The following PTPRG variants were observed in gnomAD, a reference collection of about 807,000 sequenced individuals.
PTPRG encodes receptor-type tyrosine-protein phosphatase gamma.
A neutral mutation model predicts 165.3 loss-of-function variants in PTPRG; 102 were observed. That is an observed-to-expected ratio of 0.62 (90% CI 0.53 to 0.73). PTPRG has a LOEUF of 0.73. Among genes scored for constraint, PTPRG ranks in the 30% least tolerant of loss-of-function variants. The pLI is 0.00. For missense variants in PTPRG, 1,866 were observed against 1,861.4 expected (o/e 1.00, Z -0.05); for synonymous variants, 675 against 669.5 (o/e 1.01, Z -0.13).
chr3:61,576,961 C>T (rs566257579), intron 1 of PTPRG, among the ~76,000 whole-genome samples: 2 of 152,100 alleles, frequency 1.3e-5, no homozygotes, highest in South Asian at 2.1e-4. Context: ...GTTTATATTC[C>T]GAAGTGACAC....
At chr3:62,030,313 G>A (rs912033875) in intron 4 of PTPRG, among the ~76,000 whole-genome samples, 2 of 151,532 alleles carry the variant, frequency 1.3e-5, no homozygotes, top group Non-Finnish European at 2.9e-5. Context: ...GATATTTATC[G>A]AGCTTCCTAA....
At chr3:62,040,129 T>C (rs1700078045) in intron 4 of PTPRG, among the ~76,000 whole-genome samples, 1 of 152,216 alleles carries the variant, frequency 6.6e-6, no homozygotes, top group East Asian at 1.9e-4. Flanking sequence ...AGCATGAGCG[T>C]TGCCTCTAAA....
intron 4 of PTPRG, among the ~76,000 whole-genome samples, chr3:62,032,133 A>G (rs1006167366): frequency 1.3e-5 from 2 of 152,212 alleles, no homozygotes; most frequent in African/African-American, 4.8e-5. Context: ...TTCAATAGAC[A>G]TCTTGGGGAA....
chr3:61,716,509 A>C (rs1308541891), intron 1 of PTPRG, among the ~76,000 whole-genome samples: 2 of 152,212 alleles, frequency 1.3e-5, no homozygotes, highest in African/African-American at 4.8e-5. Flanking sequence ...TTTTATAAAG[A>C]AAGTGGTATA....
chr3:62,293,303 T>C lies in PTPRG; in HGVS notation c.4334T>C (p.Val1445Ala). Residue 1445 changes from valine (V) to alanine (A), a missense_variant, in exon 30 of 30, where the codon GTG becomes GCG. Around this residue, in one of 3 missense-constraint regions of PTPRG, gnomAD observed 1,452 missense variants for 1,463.0 expected, o/e 0.99. Transcript: ENST00000474889. ...CCTGCTGAGAGCATGGAGTCCCTAG[T>C]GTGACTGGAATCCTGAAAGGGCACT... ...SDPAESMESL[V>A] 6.4e-7 allele frequency: 1 copy of C among 1,567,246 alleles called. No individual in the cohort carries two copies. Among genetic ancestry groups the C allele is most frequent in the Non-Finnish European group, 8.6e-7 (1 of 1,163,646 alleles).
intron 4 of PTPRG, among the ~76,000 whole-genome samples, chr3:62,059,088 G>A (rs1700722825): frequency 1.3e-5 from 2 of 152,284 alleles, no homozygotes; most frequent in South Asian, 4.1e-4. Context: ...ATCCCTAACT[G>A]TTCACCAGCT....
Position 61,982,685 on chromosome 3 carries a change from C to G in PTPRG, c.191-6940C>G, listed in dbSNP as rs143802052. ...TGCCATCTTTACTCTTTTTAATACC[C>G]TCCTTTTCCAGAACAGTAAAACAGG... On this transcript the variant is annotated intron_variant, in intron 2 of 29. Coordinates refer to ENST00000474889, the MANE Select transcript of PTPRG (RefSeq NM_002841.4). Among the ~76,000 whole-genome samples the G allele has an allele frequency of 7.7e-3, 1,172 of 152,226 alleles. 6 individuals carry two copies. Among genetic ancestry groups the G allele is most frequent in the African/African-American group, 0.027 (1,112 of 41,544 alleles).
intron 5 of PTPRG, among the ~76,000 whole-genome samples, chr3:62,102,563 G>T (rs1702329132): frequency 6.6e-6 from 1 of 152,144 alleles, no homozygotes; most frequent in South Asian, 2.1e-4. Flanking sequence ...GAGCCACCAC[G>T]CCCGGCCTGG....
chr3:61,671,072 G>A (rs570142147), intron 1 of PTPRG, among the ~76,000 whole-genome samples: 14 of 151,758 alleles, frequency 9.2e-5, no homozygotes, highest in Middle Eastern at 3.4e-3. Flanking sequence ...AAAAATCTTC[G>A]GCATCTCTCG....
chr3:62,227,483 G>A lies in PTPRG; in HGVS notation c.2289-3742G>A, dbSNP rs150972230. Reference sequence around the variant, plus strand: ...ATTTAATCCTCCAGCAGCCATGTGTGGTAGGCAAGGAATCAGGGACTGCAT... The same window carrying A: ...ATTTAATCCTCCAGCAGCCATGTGTAGTAGGCAAGGAATCAGGGACTGCAT... On this transcript the variant is annotated intron_variant, in intron 13 of 29. Transcript: ENST00000474889. Among the ~76,000 whole-genome samples, 349 of 152,340 alleles carry A rather than the reference G, an allele frequency of 2.3e-3. 1 individual carries two copies. The highest frequency in any genetic ancestry group is 8.1e-3 in the African/African-American group (338 of 41,576).
intron 4 of PTPRG, among the ~76,000 whole-genome samples, chr3:62,063,743 T>A (rs1013424310): frequency 6.6e-6 from 1 of 152,194 alleles, no homozygotes; most frequent in African/African-American, 2.4e-5. Context: ...CTTCGAGCAA[T>A]CCTCCTGCCT....
chr3:62,160,611 A>C (rs370491211), intron 7 of PTPRG, among the ~76,000 whole-genome samples: 3 of 152,388 alleles, frequency 2.0e-5, no homozygotes. Context: ...GTCATAGAAG[A>C]TGATTAGCTT....
chr3:62,244,402 C>CTGTGCACACTG (rs1448935328), intron 15 of PTPRG, among the ~76,000 whole-genome samples: 1 of 152,132 alleles, frequency 6.6e-6, no homozygotes, highest in African/African-American at 2.4e-5. Flanking sequence ...GTAGTGAATC[C>CTGTGCACACTG]TAGCAAATGC....
intron 1 of PTPRG, among the ~76,000 whole-genome samples, chr3:61,704,686 G>A (rs1042343214): frequency 4.0e-5 from 6 of 150,678 alleles, no homozygotes; most frequent in Admixed American, 1.3e-4. Context: ...AAACTCCTCT[G>A]AGAAAGCCAT....
At chr3:62,041,108 T>G (rs1157153949) in intron 4 of PTPRG, among the ~76,000 whole-genome samples, 2 of 152,202 alleles carry the variant, frequency 1.3e-5, no homozygotes, top group Non-Finnish European at 2.9e-5. Context: ...TTGTGGTGGT[T>G]GTGAGAATTA....
intron 1 of PTPRG, among the ~76,000 whole-genome samples, chr3:61,697,712 C>A (rs1395600096): frequency 1.3e-5 from 2 of 152,136 alleles, no homozygotes; most frequent in Non-Finnish European, 2.9e-5. Context: ...CATTCATTCC[C>A]CCCTAAAAAT....
intron 4 of PTPRG, among the ~76,000 whole-genome samples, chr3:62,050,449 A>G (rs1314221435): frequency 6.6e-6 from 1 of 152,338 alleles, no homozygotes; most frequent in Middle Eastern, 3.4e-3. Context: ...GTACACTCTG[A>G]TGTCTCAGCA....
rs1259375271 is a variant in PTPRG, at chr3:62,028,692, T to TA, written c.519+25200dup. Reference sequence around the variant, plus strand: ...AAACACACTCAAGTCAGCCTAAACATAAAAAGATTGTTTATTTTTAAAATA... The same window carrying TA: ...AAACACACTCAAGTCAGCCTAAACATAAAAAAGATTGTTTATTTTTAAAATA... On this transcript the variant is annotated intron_variant, in intron 4 of 29. Transcript: ENST00000474889. Among the ~76,000 whole-genome samples, 3 of 152,332 alleles carry TA rather than the reference T, an allele frequency of 2.0e-5. No homozygotes were observed. In the East Asian group the frequency reaches 5.8e-4, roughly 29 times the overall value.
In PTPRG at chr3:62,272,207, T is replaced by C. The variant is rs573916952; in HGVS notation, c.3182+652T>C. Among the ~76,000 whole-genome samples the C allele has an allele frequency of 2.0e-5, 3 of 152,288 alleles. 1 individual carries two copies. The highest frequency in any genetic ancestry group is 6.8e-3 in the Middle Eastern group (2 of 294). On this transcript the variant is annotated intron_variant, in intron 21 of 29. Transcript: ENST00000474889. ...AACACAAGAACTTTCCACACTAGAA[T>C]AGAGATTGTGTTTTTGTAAATGGCT...
Sources: gnomAD v4.1 joint callset for allele counts (sites outside exome capture counted in the v4.1 genomes callset) on GRCh38, gnomAD v4.1.1 for gene constraint, gnomAD v4.1.1 regional missense constraint, MANE v1.5 for transcripts, NCBI Gene and HGNC (gene_info 2026-07-23, HGNC 2026-07-21) for gene names.